SYTL3: variants seen among roughly 807,000 people sequenced by gnomAD.
SYTL3 encodes the protein synaptotagmin like 3.
In SYTL3, 88 loss-of-function variants were observed where a neutral mutation model predicts 82.1. The ratio of observed to expected loss-of-function variants is 1.07; its 90% CI spans 0.90 to 1.28. The LOEUF is 1.28. Among genes scored for constraint, SYTL3 ranks in the 50% most tolerant of loss-of-function variants. The pLI is 0.00. For missense variants in SYTL3, 831 were observed against 757.6 expected (o/e 1.10, Z -1.14); for synonymous variants, 311 against 289.4 (o/e 1.07, Z -0.76).
intron 11 of SYTL3, among the ~76,000 whole-genome samples, chr6:158,744,283 G>GT (rs369210789): frequency 0.039 from 4,714 of 121,448 alleles, 266 homozygotes; most frequent in African/African-American, 0.13. Flanking sequence ...CCCCAGGCTT[G>GT]TTTTTTTTTT....
At chr6:158,760,767 G>A (rs1789808145) in intron 15 of SYTL3, 22 bp downstream of exon 15, 1 of 1,578,916 alleles carries the variant, frequency 6.3e-7, no homozygotes, top group Admixed American at 1.7e-5. Flanking sequence ...CCAGCTCCCT[G>A]GACATTGTCT....
chr6:158,736,735 C>T (rs182760545), intron 11 of SYTL3, among the ~76,000 whole-genome samples: 2 of 149,046 alleles, frequency 1.3e-5, no homozygotes, highest in East Asian at 3.9e-4. Context: ...TGGCAGTGAG[C>T]TGAGATCGTG....
rs375785263 is a variant in SYTL3 at position 158,650,968 on chromosome 6, A to T, written c.-726-785A>T. 5.3e-5 allele frequency among the ~76,000 whole-genome samples: 8 copies of T among 152,206 alleles called. No homozygotes were observed. In the South Asian group the frequency reaches 6.2e-4, roughly 12 times the overall value. ...TCCGTCTCAAAAAAAGAAAAAAAGAAATTAGAATTGGTGTAGAAAAGATTA... is the reference window on the plus strand; with the variant it reads ...TCCGTCTCAAAAAAAGAAAAAAAGATATTAGAATTGGTGTAGAAAAGATTA... On this transcript the variant is annotated intron_variant, in intron 1 of 17. Transcript: ENST00000611299.
chr6:158,654,667 T>C (rs1184660695), intron 2 of SYTL3, among the ~76,000 whole-genome samples: 1 of 152,136 alleles, frequency 6.6e-6, no homozygotes, highest in East Asian at 1.9e-4. Flanking sequence ...AACAGCCCTG[T>C]GAAGCAGGGA....
intron 10 of SYTL3, among the ~76,000 whole-genome samples, chr6:158,721,344 T>G (rs548581370): frequency 6.6e-6 from 1 of 152,122 alleles, no homozygotes; most frequent in African/African-American, 2.4e-5. Flanking sequence ...GCCTCCCAAG[T>G]AGCTGGGACT....
At position 158,663,286 on chromosome 6, in the gene SYTL3, T is replaced by G. The variant is rs747856881; in HGVS notation, c.18T>G (p.Asp6Glu). The change falls in exon 4 of 18, where the codon GAT (aspartate) becomes GAG (glutamate). Residue 6 changes from aspartate (D) to glutamate (E), a missense_variant. Asp to Glu is a conservative substitution (Grantham distance 45). Coordinates refer to ENST00000611299, the MANE Select transcript of SYTL3 (RefSeq NM_001242394.2). The part of the protein sequence containing the change: MAQEI[D>E]LSALKELERE... ...GAGAAGAAATGGCCCAAGAAATAGA[T>G]CTGAGTGCTCTCAAGGAGTTAGAAC... 3 of 1,614,000 alleles carry G rather than the reference T, an allele frequency of 1.9e-6. No individual in the cohort carries two copies. In the Admixed American group the frequency reaches 5.0e-5, roughly 27 times the overall value.
intron 4 of SYTL3, 61 bp from the exon 5 acceptor site, chr6:158,665,334 C>T: frequency 6.7e-7 from 1 of 1,498,918 alleles, no homozygotes. Context: ...GGGCTCTTGC[C>T]CTATAGCCTG....
intron 6 of SYTL3, among the ~76,000 whole-genome samples, chr6:158,701,052 G>A (rs9364496): frequency 0.29 from 43,467 of 152,154 alleles, 7,249 homozygotes; most frequent in East Asian, 0.8. Context: ...AGTCAGAGGA[G>A]TTTTAGTGCA....
intron 6 of SYTL3, among the ~76,000 whole-genome samples, chr6:158,687,650 A>G (rs1779433745): frequency 1.3e-5 from 2 of 152,160 alleles, no homozygotes; most frequent in Non-Finnish European, 2.9e-5. Flanking sequence ...TTCTGCCGCT[A>G]CATCTGGTCA....
intron 6 of SYTL3, among the ~76,000 whole-genome samples, chr6:158,696,726 CAA>C (rs1257856309): frequency 6.6e-6 from 1 of 150,712 alleles, no homozygotes; most frequent in African/African-American, 2.4e-5. Context: ...TTCTTAAAAA[CAA>C]AAAAAGAACA....
chr6:158,693,248 C>T (rs1780114925), intron 6 of SYTL3, among the ~76,000 whole-genome samples: 1 of 152,208 alleles, frequency 6.6e-6, no homozygotes, highest in Non-Finnish European at 1.5e-5. Flanking sequence ...GACAGCGTCT[C>T]ATTTTGTCAC....
rs1784625838 is a variant in SYTL3, at chr6:158,725,641, A to G, written c.855+4A>G. 7 of 1,610,266 alleles carry G rather than the reference A, an allele frequency of 4.3e-6. No homozygotes were observed. The highest frequency in any genetic ancestry group is 5.9e-6 in the Non-Finnish European group (7 of 1,179,006). On this transcript the variant is annotated splice_donor_region_variant and intron_variant, in intron 11 of 17. Transcript: ENST00000611299. Reference sequence around the variant, plus strand: ...ATTCTCTGGAGGTTTTAGACACGTGAGTCTCATTCCAATGCTCTTTTTTTG... The same window carrying G: ...ATTCTCTGGAGGTTTTAGACACGTGGGTCTCATTCCAATGCTCTTTTTTTG...
chr6:158,713,922 C>A, intron 9 of SYTL3, 44 bp downstream of exon 9: 1 of 1,433,210 alleles, frequency 7.0e-7, no homozygotes, highest in Non-Finnish European at 9.6e-7. Context: ...ACCTTCCAGG[C>A]CAGCCGAGCC....
intron 2 of SYTL3, among the ~76,000 whole-genome samples, chr6:158,658,113 C>T (rs989155977): frequency 6.6e-6 from 1 of 152,126 alleles, no homozygotes; most frequent in African/African-American, 2.4e-5. Context: ...AGGATGGTCT[C>T]AATCTCCTGA....
chr6:158,745,650 G>C lies in SYTL3; in HGVS notation c.1026G>C (p.Lys342Asn), dbSNP rs1408470600. ...CCTATGGAGAAGAAAAGAAGAAAAA[G>C]TGCAATCCGTAAGTTGTTTTTTTTA... ...NLAYGEEKKK[K>N]CNPYVKTYLL... The change falls in exon 12 of 18, where the codon AAG (lysine) becomes AAC (asparagine). Residue 342 changes from lysine (K) to asparagine (N), a missense_variant. Transcript: ENST00000611299. 24 of 1,594,428 alleles carry C rather than the reference G, an allele frequency of 1.5e-5. No individual in the cohort carries two copies. In the Admixed American group the frequency reaches 4.2e-4, roughly 28 times the overall value.
intron 11 of SYTL3, 69 bp downstream of exon 11, chr6:158,725,706 A>T: frequency 1.3e-6 from 2 of 1,561,038 alleles, no homozygotes; most frequent in Non-Finnish European, 1.7e-6. Flanking sequence ...ATAATGTACA[A>T]GTCCTTATTT....
chr6:158,752,055 T>A, intron 13 of SYTL3, 25 bp downstream of exon 13: 1 of 1,539,054 alleles, frequency 6.5e-7, no homozygotes, highest in Non-Finnish European at 8.7e-7. Flanking sequence ...GATATTCCTG[T>A]GCAGAGTCCT....
At chr6:158,709,977 G>C (rs1048796202) in intron 8 of SYTL3, among the ~76,000 whole-genome samples, 10 of 152,100 alleles carry the variant, frequency 6.6e-5, no homozygotes, top group Admixed American at 6.5e-4. Flanking sequence ...CAAGGCTACA[G>C]TGAGCCATGA....
chr6:158,686,151 A>G (rs1024267565), intron 6 of SYTL3, among the ~76,000 whole-genome samples: 1 of 152,238 alleles, frequency 6.6e-6, no homozygotes, highest in Non-Finnish European at 1.5e-5. Flanking sequence ...GAAGTATGTT[A>G]TCAAGGTGAC....
Sources: gnomAD v4.1 joint callset for allele counts (sites outside exome capture counted in the v4.1 genomes callset) on GRCh38, gnomAD v4.1.1 for gene constraint, MANE v1.5 for transcripts, NCBI Gene and HGNC (gene_info 2026-07-23, HGNC 2026-07-21) for gene names.